Variants in CCNQ observed in about 807,000 individuals in gnomAD.
CCNQ encodes cyclin Q.
Under a neutral mutation model 17.7 loss-of-function variants are expected in CCNQ, and 3 were observed. The observed-to-expected ratio is 0.17, with a 90% confidence interval of 0.08 to 0.44. The LOEUF is 0.44. Among genes scored for constraint, CCNQ ranks in the 20% least tolerant of loss-of-function variants. CCNQ has a pLI of 0.99. For missense variants in CCNQ, 146 were observed against 222.6 expected (o/e 0.66, Z 2.19); for synonymous variants, 73 against 96.0 (o/e 0.76, Z 1.40).
intron 2 of CCNQ, among the ~76,000 whole-genome samples, 180 bp downstream of exon 2, chrX:153,595,824 T>C (rs1466205369): frequency 8.0e-5 from 9 of 112,735 alleles, no homozygotes; most frequent in Non-Finnish European, 1.5e-4. Flanking sequence ...CACTGGCCTC[T>C]GACATCAGGC....
In CCNQ at chrX:153,591,605, C is replaced by T. The variant is rs371990262; in HGVS notation, c.657+901G>A. Among the ~76,000 whole-genome samples, 17 of 111,379 alleles carry T rather than the reference C, an allele frequency of 1.5e-4. 1 individual carries two copies. In the South Asian group the frequency reaches 5.7e-3, roughly 37 times the overall value. ...GATGTCCCCAGAGGGTGTTTGCCCC[C>T]CCCAGAGTCCAACCCTGAGCACGAG... On this transcript the variant is annotated intron_variant, in intron 4 of 4. Transcript: ENST00000576892.
rs2090988415 is a variant in CCNQ, at chrX:153,591,124, G to A, written c.657+1382C>T. The stretch of plus-strand genomic sequence containing the variant: ...AAGAAAGGGTTTCAAAAGCCAGGCC[G>A]TGAGCTCTGCAGCACCCGGGTGGGT... On this transcript the variant is annotated intron_variant, in intron 4 of 4. Coordinates refer to ENST00000576892, the MANE Select transcript of CCNQ (RefSeq NM_152274.5). Among the ~76,000 whole-genome samples the A allele has an allele frequency of 2.7e-5, 3 of 111,612 alleles. No homozygotes were observed. The Admixed American group carries it at 2.8e-4, about 11-fold the overall frequency.
intron 1 of CCNQ, 74 bp downstream of exon 1, chrX:153,598,888 G>T: frequency 2.5e-6 from 2 of 794,014 alleles, no homozygotes; most frequent in Non-Finnish European, 3.3e-6. Context: ...CAGAAGGCCG[G>T]CCTGGCCAGC....
At chrX:153,593,568 C>T (rs894261488) in intron 3 of CCNQ, among the ~76,000 whole-genome samples, 52 of 112,193 alleles carry the variant, frequency 4.6e-4, no homozygotes, top group African/African-American at 1.5e-3. Context: ...GACACTACTG[C>T]GCAGAAATCC....
Position 153,599,081 on chromosome X carries a change from C to CGCGGCACCGGCGGAAGGAGAG in CCNQ, c.-29_-9dup, listed in dbSNP as rs781859235. 2.4e-5 allele frequency: 23 copies of CGCGGCACCGGCGGAAGGAGAG among 972,766 alleles called. No homozygotes were observed. The highest frequency in any genetic ancestry group is 1.8e-4 in the African/African-American group (9 of 48,830). The allele number at this position is 972,766 out of a possible 1,213,427, so 80.2% of individuals were successfully genotyped here. On this transcript the variant is annotated 5_prime_UTR_variant, in exon 1 of 5. Coordinates refer to ENST00000576892, the MANE Select transcript of CCNQ (RefSeq NM_152274.5). ...GCCCTCCGGGGCTTCCATGAGGCGC[C>CGCGGCACCGGCGGAAGGAGAG]GCGGCACCGGCGGAAGGAGAGGCGG...
At chrX:153,594,380 G>A (rs943237854) in intron 3 of CCNQ, among the ~76,000 whole-genome samples, 167 bp downstream of exon 3, 8 of 112,980 alleles carry the variant, frequency 7.1e-5, no homozygotes, top group Non-Finnish European at 1.1e-4. Context: ...GAGGCCGGGC[G>A]GCCAACCCAG....
intron 2 of CCNQ, among the ~76,000 whole-genome samples, chrX:153,595,276 C>A (rs1176316696): frequency 9.0e-6 from 1 of 111,000 alleles, no homozygotes; most frequent in East Asian, 2.8e-4. Flanking sequence ...CGCCACCACG[C>A]CCGGCTAATT....
rs1215655875 is a variant in CCNQ, at chrX:153,599,106, G to A, written c.-33C>T. ...CGCGGCACCGGCGGAAGGAGAGGCG[G>A]CCCCGGCGCGCAGAAGCCGGCAGAA... On this transcript the variant is annotated 5_prime_UTR_variant, in exon 1 of 5. Coordinates refer to ENST00000576892, the MANE Select transcript of CCNQ (RefSeq NM_152274.5). The A allele has an allele frequency of 6.2e-6, 5 of 805,959 alleles. No homozygotes were observed. Among genetic ancestry groups the A allele is most frequent in the Non-Finnish European group, 7.8e-6 (5 of 641,103 alleles). 66.4% of individuals were successfully genotyped at this position (805,959 alleles called of 1,213,427 possible). A position where few individuals can be genotyped will look rare whatever the true frequency, so the allele number is the denominator to read the frequency against.
intron 4 of CCNQ, among the ~76,000 whole-genome samples, chrX:153,590,526 T>C (rs149600150): frequency 0.012 from 1,332 of 109,019 alleles, 21 homozygotes; most frequent in African/African-American, 0.043. Flanking sequence ...GGGTGGGGAG[T>C]TGGGGTTGAA....
chrX:153,590,485 G>A (rs1557025551), intron 4 of CCNQ, among the ~76,000 whole-genome samples: 2 of 110,574 alleles, frequency 1.8e-5, no homozygotes, highest in African/African-American at 3.3e-5. Flanking sequence ...CTCTGTAGAG[G>A]ACAGTGGAAG....
chrX:153,593,670 C>T (rs2091007376), intron 3 of CCNQ, among the ~76,000 whole-genome samples: 2 of 112,312 alleles, frequency 1.8e-5, no homozygotes, highest in Admixed American at 1.9e-4. Context: ...CGGGTGGAAC[C>T]GTCTCTCACC....
At chrX:153,592,122 T>C (rs1222270402) in intron 4 of CCNQ, among the ~76,000 whole-genome samples, 1 of 112,041 alleles carries the variant, frequency 8.9e-6, no homozygotes, top group African/African-American at 3.2e-5. Flanking sequence ...CAGCTAGCTG[T>C]CACCTACCTA....
chrX:153,598,865 A>T, intron 1 of CCNQ, 97 bp downstream of exon 1: 1 of 604,008 alleles, frequency 1.7e-6, no homozygotes, highest in African/African-American at 2.4e-5. Context: ...GGCCTCTGCT[A>T]CGGTGAGCAC....
chrX:153,595,964 C>G (rs782507521), intron 2 of CCNQ, 40 bp downstream of exon 2: 7 of 1,206,719 alleles, frequency 5.8e-6, no homozygotes, highest in Admixed American at 2.2e-5. Context: ...CCCGTCCCCC[C>G]CACCGGGTGG....
chrX:153,590,102 C>A (rs1180241240), intron 4 of CCNQ, among the ~76,000 whole-genome samples: 2 of 108,480 alleles, frequency 1.8e-5, no homozygotes, highest in East Asian at 5.8e-4. Context: ...GTGGCAGGCA[C>A]TTGTAATCCC....
chrX:153,594,499 A>T (rs1557026506), intron 3 of CCNQ, 48 bp downstream of exon 3: 6 of 1,200,789 alleles, frequency 5.0e-6, no homozygotes, highest in Non-Finnish European at 5.6e-6. Context: ...AAGAACAGAG[A>T]CCATGGCTTG....
chrX:153,590,231 TAAAAAAAAA>T lies in CCNQ; in HGVS notation c.658-1786_658-1778del, dbSNP rs59053078. On this transcript the variant is annotated intron_variant, in intron 4 of 4. Coordinates refer to ENST00000576892, the MANE Select transcript of CCNQ (RefSeq NM_152274.5). The stretch of plus-strand genomic sequence containing the variant: ...CAATAGAGTGAGACTCTGTCTCTAT[TAAAAAAAAA>T]AAAAAAAAAAAAAAAAAGCAAGGCC... 3.0e-4 allele frequency among the ~76,000 whole-genome samples: 8 copies of T among 26,458 alleles called. 1 individual carries two copies. Among genetic ancestry groups the T allele is most frequent in the Non-Finnish European group, 3.5e-4 (6 of 16,967 alleles). 23.0% of individuals were successfully genotyped at this position (26,458 alleles called of 115,157 possible).
chrX:153,588,217 G>A lies in CCNQ; in HGVS notation c.*148C>T, dbSNP rs781909311. 28 of 576,777 alleles carry A rather than the reference G, an allele frequency of 4.9e-5. No individual in the cohort carries two copies. Among genetic ancestry groups the A allele is most frequent in the Admixed American group, 1.4e-4 (6 of 43,846 alleles). The allele number at this position is 576,777 out of a possible 1,213,427, so 47.5% of individuals were successfully genotyped here. A position where few individuals can be genotyped will look rare whatever the true frequency, so the allele number is the denominator to read the frequency against. ...CTAGGGACTGGCAAAGCGGCAGCAT[G>A]CCATTGCCTTCTCCAGCCCTTCTCC... On this transcript the variant is annotated 3_prime_UTR_variant, in exon 5 of 5. Transcript: ENST00000576892.
intron 2 of CCNQ, among the ~76,000 whole-genome samples, chrX:153,595,703 AAT>A (rs1557026855): frequency 2.7e-5 from 3 of 112,147 alleles, no homozygotes; most frequent in African/African-American, 9.7e-5. Flanking sequence ...ACTTCCACAG[AAT>A]CTTCTTTGAC....
Sources: allele counts gnomAD v4.1 joint callset (sites outside exome capture counted in the v4.1 genomes callset), GRCh38; gene constraint gnomAD v4.1.1; transcripts MANE v1.5; gene names NCBI Gene and HGNC (gene_info 2026-07-23, HGNC 2026-07-21).